SLC26A3: variants seen among roughly 807,000 people sequenced by gnomAD.
SLC26A3 encodes the protein solute carrier family 26 member 3, also known as chloride anion exchanger.
In SLC26A3, 64 loss-of-function variants were observed where a neutral mutation model predicts 85.6. The ratio of observed to expected loss-of-function variants is 0.75; its 90% CI spans 0.61 to 0.92. The LOEUF is 0.92. Ranked by LOEUF, SLC26A3 falls within the 40% of genes least tolerant of loss-of-function variation. The pLI is 0.00. For missense variants in SLC26A3, 922 were observed against 927.3 expected (o/e 0.99, Z 0.07); for synonymous variants, 349 against 336.0 (o/e 1.04, Z -0.42).
In SLC26A3 at chr7:107,774,111, C is replaced by T. The variant is rs745383039; in HGVS notation, c.1816G>A (p.Glu606Lys). 2.0e-5 allele frequency: 32 copies of T among 1,613,980 alleles called. No individual in the cohort carries two copies. In the East Asian group the frequency reaches 4.5e-4, roughly 22 times the overall value. Reference sequence around the variant, plus strand: ...TCTATCTGATTGTTGTCCAGCTCTTCGTCAGAATCTTTTATGGTGTCAACA... The same window carrying T: ...TCTATCTGATTGTTGTCCAGCTCTTTGTCAGAATCTTTTATGGTGTCAACA... The part of the protein sequence containing the change: ...CTVDTIKDSD[E>K]ELDNNQIEVL... Residue 606 changes from glutamate (E) to lysine (K), a missense_variant, in exon 17 of 21, where the codon GAA (glutamate) becomes AAA (lysine). By Grantham distance (56) the Glu-to-Lys change is moderately conservative (BLOSUM62 1). Coordinates refer to ENST00000340010, the MANE Select transcript of SLC26A3 (RefSeq NM_000111.3).
Position 107,797,739 on chromosome 7 carries a change from C to CATTTTTTTTTTTTTTTTT in SLC26A3, c.-88-3143_-88-3142insAAAAAAAAAAAAAAAAAT, listed in dbSNP as rs781396459. 1.6e-3 allele frequency among the ~76,000 whole-genome samples: 115 copies of CATTTTTTTTTTTTTTTTT among 70,472 alleles called. 4 individuals carry two copies. The highest frequency in any genetic ancestry group is 9.2e-3 in the African/African-American group (110 of 11,954). 46.2% of individuals were successfully genotyped at this position (70,472 alleles called of 152,430 possible). The stretch of plus-strand genomic sequence containing the variant: ...TCATTTCTGAGATTCTTGAGCAGGA[C>CATTTTTTTTTTTTTTTTT]CTTTTTTTTTTGAGACGGAGTCTTG... On this transcript the variant is annotated intron_variant, in intron 1 of 20. Coordinates refer to ENST00000340010, the MANE Select transcript of SLC26A3 (RefSeq NM_000111.3).
At position 107,793,815 on chromosome 7, in the gene SLC26A3, T is replaced by C; in HGVS notation, c.198A>G (p.Ala66=). The C allele has an allele frequency of 6.2e-7, 1 of 1,614,146 alleles. No individual in the cohort carries two copies. The highest frequency in any genetic ancestry group is 2.2e-5 in the East Asian group (1 of 44,878). Residue 66 remains alanine, a synonymous_variant, in exon 3 of 21, where the codon GCA becomes GCG. Coordinates refer to ENST00000340010, the MANE Select transcript of SLC26A3 (RefSeq NM_000111.3). ...TGAGCAACCATTCTTTAAGCCGGTA[T>C]GCTGGCAACCAAGATGCTATGGGGA... The part of the protein sequence containing the change: ...SLFPIASWLP[A]YRLKEWLLSD...
chr7:107,796,559 G>A (rs1486468603), intron 1 of SLC26A3, among the ~76,000 whole-genome samples: 4 of 152,248 alleles, frequency 2.6e-5, no homozygotes, highest in East Asian at 1.9e-4. Flanking sequence ...CCCATTGTCA[G>A]AAGAACTTGC....
intron 11 of SLC26A3, among the ~76,000 whole-genome samples, chr7:107,780,630 A>T (rs1271700260): frequency 6.6e-6 from 1 of 152,180 alleles, no homozygotes; most frequent in African/African-American, 2.4e-5. Flanking sequence ...AGCCAAATAC[A>T]GTTTTTATTT....
Position 107,767,918 on chromosome 7 carries a change from A to C in SLC26A3, c.2063-10T>G. The C allele has an allele frequency of 1.2e-6, 2 of 1,612,914 alleles. No homozygotes were observed. The highest frequency in any genetic ancestry group is 1.3e-5 in the African/African-American group (1 of 75,022). On this transcript the variant is annotated splice_polypyrimidine_tract_variant and intron_variant, in intron 18 of 20. Transcript: ENST00000340010. ...TTCTCAATGAAGTCATCTGAAGAGA[A>C]AAAAACAGTAACTTTTAGGAAGAAA...
At chr7:107,783,477 C>T (rs921861066) in intron 8 of SLC26A3, 125 bp from the exon 9 acceptor site, 61 of 1,152,380 alleles carry the variant, frequency 5.3e-5, no homozygotes, top group Non-Finnish European at 6.6e-5. Flanking sequence ...GTATGATTAA[C>T]GAGAATTTAG....
chr7:107,787,984 T>C (rs1169501802), intron 6 of SLC26A3, among the ~76,000 whole-genome samples: 1 of 152,222 alleles, frequency 6.6e-6, no homozygotes, highest in Non-Finnish European at 1.5e-5. Context: ...ACTCTCTATG[T>C]CACTTTTGGA....
intron 6 of SLC26A3, 87 bp from the exon 7 acceptor site, chr7:107,787,596 A>C: frequency 5.1e-6 from 6 of 1,169,514 alleles, no homozygotes; most frequent in Non-Finnish European, 6.2e-6. Context: ...AAAAATAAAC[A>C]TGGAAGCAAA....
intron 3 of SLC26A3, 64 bp from the exon 4 acceptor site, chr7:107,792,004 G>A: frequency 1.1e-6 from 1 of 951,152 alleles, no homozygotes; most frequent in Non-Finnish European, 1.7e-6. Flanking sequence ...ATTCTCATTT[G>A]GTTCTTATGG....
intron 17 of SLC26A3, among the ~76,000 whole-genome samples, chr7:107,773,510 A>G (rs990362006): frequency 6.6e-6 from 1 of 152,176 alleles, no homozygotes; most frequent in African/African-American, 2.4e-5. Context: ...ATTTGCTTCT[A>G]ATTAAATGCA....
chr7:107,791,527 G>A (rs188454193), intron 4 of SLC26A3, among the ~76,000 whole-genome samples: 18 of 152,080 alleles, frequency 1.2e-4, no homozygotes, highest in African/African-American at 2.2e-4. Context: ...CAGGAGAATC[G>A]CTTGAACCTG....
In SLC26A3 at chr7:107,782,787, A is replaced by G; in HGVS notation, c.1311+10T>C. ...CTAAAAGTAGAGATGCTATCCAAAG[A>G]CAGTGTTACCTTTTGTAGAGGCGCC... On this transcript the variant is annotated intron_variant, in intron 11 of 20. Transcript: ENST00000340010. 6.2e-7 allele frequency: 1 copy of G among 1,612,840 alleles called. No homozygotes were observed. The highest frequency in any genetic ancestry group is 1.7e-5 in the Admixed American group (1 of 60,018).
chr7:107,769,180 A>C (rs1246494727), intron 18 of SLC26A3, among the ~76,000 whole-genome samples: 1 of 152,174 alleles, frequency 6.6e-6, no homozygotes, highest in Non-Finnish European at 1.5e-5. Context: ...GATTCCTCAC[A>C]GGGCTGAAGA....
At chr7:107,796,456 T>TCCTCCCCTGCCACTCCTC (rs1794501649) in intron 1 of SLC26A3, among the ~76,000 whole-genome samples, 1 of 152,118 alleles carries the variant, frequency 6.6e-6, no homozygotes, top group Non-Finnish European at 1.5e-5. Flanking sequence ...CCCCTGCCAC[T>TCCTCCCCTGCCACTCCTC]CCCAAGTGCT....
chr7:107,797,739 C>CATTTTTTTTTTTTTTTTTTTTT (rs781396459), intron 1 of SLC26A3, among the ~76,000 whole-genome samples: 2 of 70,532 alleles, frequency 2.8e-5, no homozygotes, highest in African/African-American at 1.7e-4. Flanking sequence ...TTGAGCAGGA[C>CATTTTTTTTTTTTTTTTTTTTT]CTTTTTTTTT....
At chr7:107,776,187 T>C in intron 15 of SLC26A3, 1 of 484,404 alleles carries the variant, frequency 2.1e-6, no homozygotes, top group Non-Finnish European at 3.7e-6. Flanking sequence ...CAAAACTTGG[T>C]AAATTTCTTT....
intron 1 of SLC26A3, among the ~76,000 whole-genome samples, chr7:107,799,069 A>C (rs1452865833): frequency 6.6e-6 from 1 of 152,102 alleles, no homozygotes; most frequent in Non-Finnish European, 1.5e-5. Flanking sequence ...AGAAGCAGGG[A>C]GATGATGGCA....
chr7:107,783,408 A>G (rs1216250725), intron 8 of SLC26A3, 56 bp from the exon 9 acceptor site: 6 of 1,591,170 alleles, frequency 3.8e-6, no homozygotes, highest in Non-Finnish European at 5.2e-6. Context: ...AAACTGATAT[A>G]ACCATTGGGC....
chr7:107,770,396 A>G (rs2115798742), intron 18 of SLC26A3, among the ~76,000 whole-genome samples: 1 of 149,818 alleles, frequency 6.7e-6, no homozygotes, highest in East Asian at 2.0e-4. Flanking sequence ...AGCTGGGACT[A>G]CAGGCACATG....
Sources: allele counts gnomAD v4.1 joint callset (sites outside exome capture counted in the v4.1 genomes callset), GRCh38; gene constraint gnomAD v4.1.1; transcripts MANE v1.5; gene names NCBI Gene and HGNC (gene_info 2026-07-23, HGNC 2026-07-21).